SLC35F4: variants seen among roughly 807,000 people sequenced by gnomAD.
SLC35F4 encodes chromosome 14 open reading frame 36.
In SLC35F4, 24 loss-of-function variants were observed where a neutral mutation model predicts 44.2. The observed-to-expected ratio is 0.54, with a 90% CI of 0.39 to 0.76. SLC35F4 has a LOEUF of 0.76. Ranked by LOEUF, SLC35F4 falls within the 30% of genes least tolerant of loss-of-function variation. SLC35F4 has a pLI of 0.00. For missense variants in SLC35F4, 562 were observed against 586.1 expected (o/e 0.96, Z 0.42); for synonymous variants, 238 against 223.6 (o/e 1.06, Z -0.57).
intron 4 of SLC35F4, among the ~76,000 whole-genome samples, chr14:57,580,077 G>A (rs1225497045): frequency 6.6e-6 from 1 of 152,158 alleles, no homozygotes; most frequent in Non-Finnish European, 1.5e-5. Flanking sequence ...TGGATATACT[G>A]TAATGGTATC....
At chr14:57,735,885 C>G (rs112832328) in intron 1 of SLC35F4, among the ~76,000 whole-genome samples, 1,953 of 152,150 alleles carry the variant, frequency 0.013, 43 homozygotes, top group African/African-American at 0.045. Flanking sequence ...CCACCCCCGG[C>G]TAATTTATTT....
chr14:57,895,702 G>GTCATGCT (rs1415024696), intron 1 of SLC35F4, among the ~76,000 whole-genome samples: 1 of 151,948 alleles, frequency 6.6e-6, no homozygotes, highest in Non-Finnish European at 1.5e-5. Flanking sequence ...AGGCCTCCCA[G>GTCATGCT]TCATGCTTTC....
At chr14:57,845,942 A>G (rs1293287516) in intron 1 of SLC35F4, among the ~76,000 whole-genome samples, 1 of 152,222 alleles carries the variant, frequency 6.6e-6, no homozygotes, top group Non-Finnish European at 1.5e-5. Context: ...CACTCCCAGC[A>G]AATATAATCA....
At chr14:57,796,136 T>C (rs1373534632) in intron 1 of SLC35F4, among the ~76,000 whole-genome samples, 1 of 152,204 alleles carries the variant, frequency 6.6e-6, no homozygotes, top group Non-Finnish European at 1.5e-5. Context: ...TTCATTCTTC[T>C]ATATGGCTGC....
At chr14:57,905,258 C>A (rs1305172650) in intron 1 of SLC35F4, among the ~76,000 whole-genome samples, 1 of 152,212 alleles carries the variant, frequency 6.6e-6, no homozygotes, top group Non-Finnish European at 1.5e-5. Context: ...CTCCACAGGG[C>A]TACTTGAATG....
In SLC35F4 at chr14:57,622,058, C is replaced by T. The variant is rs1460550443; in HGVS notation, c.104-27934G>A. On this transcript the variant is annotated intron_variant, in intron 1 of 7. Transcript: ENST00000556826. ...AAGACATTTATGCAGCCAAAAAACA[C>T]ATGAAAAAATGCTCGCCATCACTGG... is the stretch of plus-strand genomic sequence containing the variant. Among the ~76,000 whole-genome samples the T allele has an allele frequency of 4.0e-5, 6 of 149,696 alleles. No homozygotes were observed. The East Asian group carries it at 1.2e-3, about 29-fold the overall frequency.
intron 1 of SLC35F4, among the ~76,000 whole-genome samples, chr14:57,904,325 T>C (rs1051971725): frequency 3.3e-5 from 5 of 152,218 alleles, no homozygotes; most frequent in Non-Finnish European, 7.3e-5. Context: ...GTTGAGAAAG[T>C]TCTCAACTTC....
intron 1 of SLC35F4, among the ~76,000 whole-genome samples, chr14:57,844,245 C>A (rs1304439761): frequency 1.3e-5 from 2 of 152,078 alleles, no homozygotes; most frequent in Non-Finnish European, 2.9e-5. Context: ...GGGGTGAAAC[C>A]AAGGATGCTC....
chr14:57,775,362 C>T (rs1387201970), intron 1 of SLC35F4, among the ~76,000 whole-genome samples: 1 of 152,208 alleles, frequency 6.6e-6, no homozygotes, highest in Admixed American at 6.5e-5. Context: ...CTGCTACTGC[C>T]CTATGAAGTG....
intron 1 of SLC35F4, among the ~76,000 whole-genome samples, chr14:57,803,374 A>G (rs1566867829): frequency 6.6e-6 from 1 of 152,178 alleles, no homozygotes; most frequent in Non-Finnish European, 1.5e-5. Flanking sequence ...AGCTAGAAGC[A>G]TTCTCCTTGA....
intron 1 of SLC35F4, among the ~76,000 whole-genome samples, chr14:57,623,594 A>T (rs2072314511): frequency 6.6e-6 from 1 of 151,858 alleles, no homozygotes; most frequent in Non-Finnish European, 1.5e-5. Flanking sequence ...AATGGAAATC[A>T]TAACAGTCTC....
intron 1 of SLC35F4, among the ~76,000 whole-genome samples, chr14:57,784,425 T>C (rs1174745153): frequency 6.6e-6 from 1 of 152,220 alleles, no homozygotes; most frequent in Non-Finnish European, 1.5e-5. Context: ...GGCTCATGCC[T>C]GTAATTACAA....
intron 1 of SLC35F4, among the ~76,000 whole-genome samples, chr14:57,926,074 A>C (rs1566931162): frequency 6.6e-6 from 1 of 152,186 alleles, no homozygotes. Context: ...GTAAAATGAG[A>C]GTGGTTCACA....
At chr14:57,605,855 C>T (rs1462976799) in intron 1 of SLC35F4, among the ~76,000 whole-genome samples, 4 of 152,118 alleles carry the variant, frequency 2.6e-5, no homozygotes, top group Non-Finnish European at 4.4e-5. Context: ...CGAACTAATG[C>T]AGAAACCAAA....
intron 1 of SLC35F4, among the ~76,000 whole-genome samples, chr14:57,683,607 G>T (rs1415665710): frequency 6.6e-6 from 1 of 152,118 alleles, no homozygotes; most frequent in African/African-American, 2.4e-5. Flanking sequence ...TCCCTTTCCT[G>T]CAAATGCCTG....
intron 1 of SLC35F4, among the ~76,000 whole-genome samples, chr14:57,742,049 G>T (rs2076623015): frequency 6.6e-6 from 1 of 152,268 alleles, no homozygotes; most frequent in African/African-American, 2.4e-5. Context: ...CACCAGGCCT[G>T]CCCTAAAAGA....
chr14:57,871,390 G>A (rs1053996035), intron 1 of SLC35F4, among the ~76,000 whole-genome samples: 1 of 152,198 alleles, frequency 6.6e-6, no homozygotes, highest in Non-Finnish European at 1.5e-5. Flanking sequence ...GGGACTCAGA[G>A]TAAGATTTAC....
At chr14:57,980,603 T>C (rs1881348482) in intron 1 of SLC35F4, among the ~76,000 whole-genome samples, 2 of 151,998 alleles carry the variant, frequency 1.3e-5, no homozygotes, top group African/African-American at 4.8e-5. Context: ...CTGAAACCCC[T>C]TCTGACCTTT....
intron 1 of SLC35F4, among the ~76,000 whole-genome samples, chr14:57,952,725 A>G (rs1227399880): frequency 2.6e-5 from 4 of 152,112 alleles, no homozygotes; most frequent in East Asian, 3.9e-4. Flanking sequence ...AAGCATGAAG[A>G]CAAGATTAGA....
Sources: gnomAD v4.1 joint callset for allele counts (sites outside exome capture counted in the v4.1 genomes callset) on GRCh38, gnomAD v4.1.1 for gene constraint, MANE v1.5 for transcripts, NCBI Gene and HGNC (gene_info 2026-07-23, HGNC 2026-07-21) for gene names.